ZNF302: variants seen among roughly 807,000 people sequenced by gnomAD.
The protein encoded by ZNF302 is zinc finger protein 302.
ZNF302 carries 12 observed loss-of-function variants against 10.8 expected under a neutral mutation model. The ratio of observed to expected loss-of-function variants is 1.11; its 90% CI spans 0.71 to 1.79. The LOEUF (loss-of-function observed/expected upper bound fraction) is 1.79. ZNF302 is among the 40% of genes most tolerant of loss of function. The pLI is 0.00. For missense variants in ZNF302, 461 were observed against 471.1 expected (o/e 0.98, Z 0.20); for synonymous variants, 178 against 157.5 (o/e 1.13, Z -0.98).
chr19:34,678,854 T>TA, intron 2 of ZNF302, 41 bp downstream of exon 2: 2 of 1,613,170 alleles, frequency 1.2e-6, no homozygotes, highest in Non-Finnish European at 1.7e-6. Flanking sequence ...AACACTTTAT[T>TA]AGGCCTCTGT....
At chr19:34,678,273 A>G (rs2068091678) in intron 1 of ZNF302, among the ~76,000 whole-genome samples, 170 bp downstream of exon 1, 2 of 147,806 alleles carry the variant, frequency 1.4e-5, no homozygotes, top group Non-Finnish European at 3.0e-5. Flanking sequence ...TACTAAAAAT[A>G]CAAAAAAAAA....
Position 34,683,219 on chromosome 19 carries a change from G to A in ZNF302, c.195G>A (p.Met65Ile). Residue 65 changes from methionine to isoleucine, a missense_variant, in exon 4 of 5, where the codon ATG becomes ATA. Physicochemically the swap from Met to Ile is conservative, Grantham distance 10. Coordinates refer to ENST00000505242, the MANE Select transcript of ZNF302 (RefSeq NM_001289187.2). Reference protein sequence around the residue: ...LLEDGKEPWMMEKKLSKDWES... With the variant: ...LLEDGKEPWMIEKKLSKDWES... ...AGGATGGAAAAGAGCCCTGGATGAT[G>A]GAGAAAAAACTGTCAAAAGGTATGA... 2 of 1,614,062 alleles carry A rather than the reference G, an allele frequency of 1.2e-6. No homozygotes were observed. Among genetic ancestry groups the A allele is most frequent in the African/African-American group, 1.3e-5 (1 of 75,030 alleles).
At chr19:34,676,345 A>C (rs547959360), upstream of ZNF302, 2 of 152,336 alleles carry the variant, frequency 1.3e-5, no homozygotes, top group South Asian at 4.1e-4. Flanking sequence ...AACGCTCATC[A>C]GTGCCATGGC....
Position 34,682,847 on chromosome 19 carries a change from A to T in ZNF302, c.80A>T (p.Asp27Val), listed in dbSNP as rs779201705. The change falls in exon 3 of 5, where the codon GAC becomes GTC. Residue 27 changes from aspartate to valine, a missense_variant. Asp to Val is a radical substitution (Grantham distance 152). Coordinates refer to ENST00000505242, the MANE Select transcript of ZNF302 (RefSeq NM_001289187.2). Reference protein sequence around the residue: ...EWACLDSAQRDLYKDVMVQNY... With the variant: ...EWACLDSAQRVLYKDVMVQNY... ...GCATGCCTAGATTCTGCTCAGAGGG[A>T]CTTATACAAGGATGTGATGGTCCAG... 1 of 1,613,690 alleles carries T rather than the reference A, an allele frequency of 6.2e-7. No homozygotes were observed. Among genetic ancestry groups the T allele is most frequent in the Non-Finnish European group, 8.5e-7 (1 of 1,179,768 alleles).
Position 34,685,224 on chromosome 19 carries a change from C to G in ZNF302, c.1187C>G (p.Pro396Arg). The G allele has an allele frequency of 6.2e-7, 1 of 1,612,266 alleles. No individual in the cohort carries two copies. The highest frequency in any genetic ancestry group is 8.5e-7 in the Non-Finnish European group (1 of 1,179,046). Residue 396 changes from proline (P) to arginine (R), a missense_variant, in exon 5 of 5, where the codon CCG becomes CGG. Physicochemically the swap from Pro to Arg is moderately radical, Grantham distance 103. Coordinates refer to ENST00000505242, the MANE Select transcript of ZNF302 (RefSeq NM_001289187.2). ...CAGAGTATTCATACTGAAGAAAAAC[C>G]GTTTGAAGTTTAGAAATGCAGGAAA... ...QHQSIHTEEK[P>R]FEV is the part of the protein sequence containing the mutation.
At chr19:34,678,714 T>A in intron 1 of ZNF302, 23 bp from the exon 2 acceptor site, 1 of 1,509,520 alleles carries the variant, frequency 6.6e-7, no homozygotes, top group Non-Finnish European at 9.2e-7. Context: ...TGACTGCTTT[T>A]TCCTGCCTTT....
intron 2 of ZNF302, among the ~76,000 whole-genome samples, chr19:34,680,821 A>G (rs184939074): frequency 1.3e-5 from 2 of 152,376 alleles, no homozygotes; most frequent in African/African-American, 2.4e-5. Flanking sequence ...TGAACTGTCA[A>G]ATCTTACTTG....
chr19:34,678,536 T>G (rs914367463), intron 1 of ZNF302, among the ~76,000 whole-genome samples: 2 of 152,230 alleles, frequency 1.3e-5, no homozygotes, highest in South Asian at 4.1e-4. Context: ...ATGAGTCTTT[T>G]GTATACAGAA....
chr19:34,684,489 T>C lies in ZNF302; in HGVS notation c.452T>C (p.Ile151Thr), dbSNP rs749167102. The C allele has an allele frequency of 8.7e-6, 14 of 1,612,506 alleles. No homozygotes were observed. The highest frequency in any genetic ancestry group is 3.3e-5 in the Admixed American group (2 of 59,838). The change falls in exon 5 of 5, where the codon ATA becomes ACA. Residue 151 changes from isoleucine to threonine, a missense_variant. Ile to Thr is a moderately conservative substitution (Grantham distance 89). Transcript: ENST00000505242. The stretch of plus-strand genomic sequence containing the variant: ...GAAGGGAATTCACACAAATATGATA[T>C]ATTAAAGAAGAATTTATCAAAAAAG... ...SAEGNSHKYD[I>T]LKKNLSKKSV... is the part of the protein sequence containing the mutation.
intron 2 of ZNF302, chr19:34,680,037 T>C (rs2068257260): frequency 1.5e-6 from 1 of 667,702 alleles, no homozygotes; most frequent in African/African-American, 1.8e-5. Flanking sequence ...AAAACTGGTG[T>C]GGTAGTGCAT....
intron 2 of ZNF302, chr19:34,679,789 G>A (rs748767326): frequency 2.7e-5 from 19 of 694,674 alleles, no homozygotes; most frequent in Non-Finnish European, 4.7e-5. Context: ...TCTGTTCCTG[G>A]TGGGAGGAAT....
chr19:34,679,765 G>A, intron 2 of ZNF302: 1 of 674,746 alleles, frequency 1.5e-6, no homozygotes, highest in Non-Finnish European at 2.7e-6. Flanking sequence ...TTCAGTATAT[G>A]CACGTGCTCA....
chr19:34,683,506 AATTT>A (rs1254395028), intron 4 of ZNF302, among the ~76,000 whole-genome samples: 1 of 152,210 alleles, frequency 6.6e-6, no homozygotes, highest in African/African-American at 2.4e-5. Flanking sequence ...AAAGTAAGAC[AATTT>A]ATTCTTTCTT....
At chr19:34,680,132 T>C (rs1277854578) in intron 2 of ZNF302, among the ~76,000 whole-genome samples, 1 of 152,198 alleles carries the variant, frequency 6.6e-6, no homozygotes, top group Admixed American at 6.5e-5. Context: ...GAGCTATGAT[T>C]ATGTCACTGC....
rs745878425 is a variant in ZNF302 at position 34,684,855 on chromosome 19, C to T, written c.818C>T (p.Thr273Ile). Residue 273 changes from threonine to isoleucine, a missense_variant, in exon 5 of 5, where the codon ACT becomes ATT. By Grantham distance (89) the Thr-to-Ile change is moderately conservative (BLOSUM62 -1). Coordinates refer to ENST00000505242, the MANE Select transcript of ZNF302 (RefSeq NM_001289187.2). ...GKAFSHGSSLTNHQSTHTGEK... is the reference protein window; with the variant it reads ...GKAFSHGSSLINHQSTHTGEK... The stretch of plus-strand genomic sequence containing the variant: ...GCCTTTAGCCATGGCTCATCACTTA[C>T]TAACCATCAGAGCACTCACACGGGA... 25 of 1,613,692 alleles carry T rather than the reference C, an allele frequency of 1.5e-5. 1 individual carries two copies. The Middle Eastern group carries it at 3.3e-3, about 212-fold the overall frequency.
At position 34,678,722 on chromosome 19, in the gene ZNF302, T is replaced by A; in HGVS notation, c.-68-15T>A. The A allele has an allele frequency of 6.4e-7, 1 of 1,554,364 alleles. No individual in the cohort carries two copies. Among genetic ancestry groups the A allele is most frequent in the Non-Finnish European group, 8.8e-7 (1 of 1,130,824 alleles). On this transcript the variant is annotated splice_polypyrimidine_tract_variant and intron_variant, in intron 1 of 4. Transcript: ENST00000505242. Reference sequence around the variant, plus strand: ...TTTTTCATGACTGCTTTTTCCTGCCTTTCTGTGCCCTCAGGACACTGCCCA... The same window carrying A: ...TTTTTCATGACTGCTTTTTCCTGCCATTCTGTGCCCTCAGGACACTGCCCA...
rs1164283244 is a variant in ZNF302, at chr19:34,684,277, G to A, written c.240G>A (p.Lys80=). ...SKDWESRWEN[K]ELSTKKDIYD... is the part of the protein sequence containing the mutation. ...ATTGGGAATCAAGATGGGAAAACAA[G>A]GAATTATCAACAAAGAAGGATATTT... Residue 80 remains lysine, a synonymous_variant, in exon 5 of 5, where the codon AAG becomes AAA. Transcript: ENST00000505242. 4.6e-6 allele frequency: 7 copies of A among 1,536,700 alleles called. No individual in the cohort carries two copies. Among genetic ancestry groups the A allele is most frequent in the Non-Finnish European group, 6.1e-6 (7 of 1,150,680 alleles).
Position 34,684,398 on chromosome 19 carries a change from T to C in ZNF302, c.361T>C (p.Cys121Arg), listed in dbSNP as rs758419515. 2.5e-6 allele frequency: 4 copies of C among 1,611,458 alleles called. No individual in the cohort carries two copies. The highest frequency in any genetic ancestry group is 3.4e-6 in the Non-Finnish European group (4 of 1,179,020). ...NSNKNLEYTECDTFRSTFHSK... is the reference protein window; with the variant it reads ...NSNKNLEYTERDTFRSTFHSK... ...TAATAAGAATTTGGAATATACAGAA[T>C]GCGACACATTTAGAAGCACCTTTCA... The change falls in exon 5 of 5, where the codon TGC (cysteine) becomes CGC (arginine). Residue 121 changes from cysteine (C) to arginine (R), a missense_variant. By Grantham distance (180) the Cys-to-Arg change is radical. Coordinates refer to ENST00000505242, the MANE Select transcript of ZNF302 (RefSeq NM_001289187.2).
In ZNF302 at chr19:34,683,177, T is replaced by A. The variant is rs756946469; in HGVS notation, c.153T>A (p.Tyr51Ter). The change falls in exon 4 of 5, where the codon TAT (tyrosine) becomes TAA (stop). Residue 51 changes from tyrosine to a stop codon, truncating the protein, a stop_gained. Coordinates refer to ENST00000505242, the MANE Select transcript of ZNF302 (RefSeq NM_001289187.2). LOFTEE classifies it high-confidence loss of function. The stretch of plus-strand genomic sequence containing the variant: ...CAGGTCTTTCCGTAACTAAGCCATA[T>A]GTGATCATGTTATTGGAGGATGGAA... ...VSVGLSVTKP[Y>*]VIMLLEDGKE... The A allele has an allele frequency of 6.2e-7, 1 of 1,614,122 alleles. No individual in the cohort carries two copies. The highest frequency in any genetic ancestry group is 1.1e-5 in the South Asian group (1 of 91,076).
Sources: gnomAD v4.1 joint callset for allele counts (sites outside exome capture counted in the v4.1 genomes callset) on GRCh38, gnomAD v4.1.1 for gene constraint, MANE v1.5 for transcripts, NCBI Gene and HGNC (gene_info 2026-07-23, HGNC 2026-07-21) for gene names.